The following CASD1 variants were observed in gnomAD, a reference collection of about 807,000 sequenced individuals.
The protein encoded by CASD1 is N-acetylneuraminate (7)9-O-acetyltransferase.
In CASD1, 41 loss-of-function variants were observed where a neutral mutation model predicts 100.0. The ratio of observed to expected loss-of-function variants is 0.41; its 90% confidence interval spans 0.32 to 0.53. The LOEUF (loss-of-function observed/expected upper bound fraction) is 0.53. Ranked by LOEUF, CASD1 falls within the 20% of genes least tolerant of loss-of-function variation. The probability of loss-of-function intolerance (pLI) is 0.25; values close to 1 mark genes in which losing one functional copy is unlikely to be tolerated. For missense variants in CASD1, 774 were observed against 948.7 expected (o/e 0.82, Z 2.42); for synonymous variants, 321 against 315.6 (o/e 1.02, Z -0.18).
At chr7:94,581,766 A>G in the CASD1 span, among the ~76,000 whole-genome samples, 1 of 152,204 alleles carries the variant, frequency 6.6e-6, no homozygotes, top group Non-Finnish European at 1.5e-5. Context: ...TTCTTTATGC[A>G]GTCTGTCATT....
chr7:94,559,241 A>T (rs1796296566), downstream of CASD1, among the ~76,000 whole-genome samples: 1 of 151,534 alleles, frequency 6.6e-6, no homozygotes, highest in South Asian at 2.1e-4. Flanking sequence ...ACCTAAATAT[A>T]ACAATATTGG....
chr7:94,575,296 C>T, the CASD1 span, among the ~76,000 whole-genome samples: 1 of 152,104 alleles, frequency 6.6e-6, no homozygotes, highest in Non-Finnish European at 1.5e-5. Context: ...GCCTTAATTT[C>T]ATTATTTACC....
chr7:94,530,815 C>CAAGGAGATTCTGAGAAGTGGCAGTAA (rs1393043252), intron 5 of CASD1, among the ~76,000 whole-genome samples: 1 of 151,820 alleles, frequency 6.6e-6, no homozygotes, highest in African/African-American at 2.4e-5. Flanking sequence ...ATGGAATTAC[C>CAAGGAGATTCTGAGAAGTGGCAGTAA]AAGGAGATTC....
the CASD1 span, among the ~76,000 whole-genome samples, chr7:94,596,753 T>C: frequency 6.6e-6 from 1 of 152,154 alleles, no homozygotes; most frequent in African/African-American, 2.4e-5. Context: ...ATAAACAATT[T>C]GGTTAGCTAC....
chr7:94,524,789 AACTG>A lies in CASD1; in HGVS notation c.352-2367_352-2364del, dbSNP rs574748184. On this transcript the variant is annotated intron_variant, in intron 3 of 17. Coordinates refer to ENST00000297273, the MANE Select transcript of CASD1 (RefSeq NM_022900.5). Reference sequence around the variant, plus strand: ...GATATTAATAAAAATAGTATTGATAAACTGACTGAGCTGTGCAAGTTTTTAAAGG... The same window carrying A: ...GATATTAATAAAAATAGTATTGATAAACTGAGCTGTGCAAGTTTTTAAAGG... Among the ~76,000 whole-genome samples the A allele has an allele frequency of 2.0e-3, 297 of 152,270 alleles. 1 individual carries two copies. The highest frequency in any genetic ancestry group is 5.4e-3 in the African/African-American group (225 of 41,576).
Position 94,552,388 on chromosome 7 carries a change from A to G in CASD1, c.1995A>G (p.Ala665=). The G allele has an allele frequency of 6.2e-7, 1 of 1,611,114 alleles. No homozygotes were observed. Among genetic ancestry groups the G allele is most frequent in the African/African-American group, 1.3e-5 (1 of 74,818 alleles). The part of the protein sequence containing the change: ...SIWASSCKNK[A]ECNELHPSVS... Reference sequence around the variant, plus strand: ...GGGCTAGCAGTTGTAAAAACAAAGCAGAGTGCAATGAACTCCATCCGTCTG... The same window carrying G: ...GGGCTAGCAGTTGTAAAAACAAAGCGGAGTGCAATGAACTCCATCCGTCTG... Residue 665 remains alanine (A), a synonymous_variant, in exon 16 of 18, where the codon GCA becomes GCG. Coordinates refer to ENST00000297273, the MANE Select transcript of CASD1 (RefSeq NM_022900.5).
At chr7:94,599,049 T>A in the CASD1 span, 1 of 974,078 alleles carries the variant, frequency 1.0e-6, no homozygotes, top group Non-Finnish European at 1.6e-6. Context: ...TATGAAGTAT[T>A]TTTATCTTTT....
At chr7:94,600,417 T>C in the CASD1 span, 2 of 491,492 alleles carry the variant, frequency 4.1e-6, no homozygotes, top group Non-Finnish European at 7.3e-6. Flanking sequence ...TGAATTTACA[T>C]CTAGCCTTAA....
At chr7:94,590,269 T>C in the CASD1 span, among the ~76,000 whole-genome samples, 1 of 152,164 alleles carries the variant, frequency 6.6e-6, no homozygotes, top group South Asian at 2.1e-4. Flanking sequence ...TTTAACATAT[T>C]ATTTTTAATT....
intron 3 of CASD1, among the ~76,000 whole-genome samples, chr7:94,520,297 T>C (rs1353533073): frequency 6.6e-6 from 1 of 152,246 alleles, no homozygotes; most frequent in Admixed American, 6.5e-5. Flanking sequence ...AAAAGCTTAC[T>C]ACTTTTATTT....
chr7:94,551,603 G>GA, intron 15 of CASD1, 125 bp downstream of exon 15: 1 of 384,924 alleles, frequency 2.6e-6, no homozygotes, highest in Non-Finnish European at 4.1e-6. Context: ...TTAATATTTA[G>GA]AAATTTTAAT....
chr7:94,561,359 G>A (rs1796336239), downstream of CASD1, among the ~76,000 whole-genome samples: 1 of 152,166 alleles, frequency 6.6e-6, no homozygotes, highest in Admixed American at 6.6e-5. Flanking sequence ...ACTTCATTCA[G>A]ATACCTCAAT....
chr7:94,549,909 T>C (rs1490967598), intron 14 of CASD1, among the ~76,000 whole-genome samples: 3 of 152,070 alleles, frequency 2.0e-5, no homozygotes, highest in Non-Finnish European at 4.4e-5. Context: ...TATAGGTGAC[T>C]TGTTGTATAT....
chr7:94,537,572 T>C lies in CASD1; in HGVS notation c.944T>C (p.Leu315Pro), dbSNP rs756034350. 6.2e-7 allele frequency: 1 copy of C among 1,613,954 alleles called. No individual in the cohort carries two copies. The highest frequency in any genetic ancestry group is 8.5e-7 in the Non-Finnish European group (1 of 1,179,860). Residue 315 changes from leucine to proline, a missense_variant, in exon 9 of 18, where the codon CTA becomes CCA. Physicochemically the swap from Leu to Pro is moderately conservative, Grantham distance 98. Coordinates refer to ENST00000297273, the MANE Select transcript of CASD1 (RefSeq NM_022900.5). ...PRPPVTLIQKLAACFFTLSII... is the reference protein window; with the variant it reads ...PRPPVTLIQKPAACFFTLSII... The stretch of plus-strand genomic sequence containing the variant: ...CCTCCTGTTACTCTCATACAGAAGC[T>C]AGCTGCTTGTTTTTTCACTTTATCT...
chr7:94,549,832 C>A (rs1795859807), intron 14 of CASD1, among the ~76,000 whole-genome samples, 198 bp downstream of exon 14: 1 of 151,936 alleles, frequency 6.6e-6, no homozygotes. Flanking sequence ...ATATATATAT[C>A]TGCTGGGAAA....
intron 3 of CASD1, among the ~76,000 whole-genome samples, chr7:94,522,341 A>C (rs1057066849): frequency 6.6e-6 from 1 of 152,240 alleles, no homozygotes; most frequent in Non-Finnish European, 1.5e-5. Flanking sequence ...ATTTTCAGGG[A>C]TACAGAAAGT....
chr7:94,613,088 A>G, the CASD1 span, among the ~76,000 whole-genome samples: 1 of 152,224 alleles, frequency 6.6e-6, no homozygotes. Flanking sequence ...GGCTAAATGA[A>G]TGCATGAATG....
rs563087535 is a variant in CASD1 at position 94,528,662 on chromosome 7, TTTA to T, written c.459+420_459+422del. ...TTTGTTTTTATAGCCTTTTTTTCCT[TTTA>T]TTATTATATTTGTGACCCAGCAGGC... On this transcript the variant is annotated intron_variant, in intron 5 of 17. Transcript: ENST00000297273. Among the ~76,000 whole-genome samples, 63 of 152,274 alleles carry T rather than the reference TTTA, an allele frequency of 4.1e-4. 1 individual carries two copies. In the South Asian group the frequency reaches 4.6e-3, roughly 11 times the overall value.
At chr7:94,545,723 T>C in intron 12 of CASD1, 22 bp downstream of exon 12, 1 of 1,466,354 alleles carries the variant, frequency 6.8e-7, no homozygotes, top group South Asian at 1.3e-5. Flanking sequence ...TTCTTACTAA[T>C]GTTAGTAAAT....
Sources: gnomAD v4.1 joint callset for allele counts (sites outside exome capture counted in the v4.1 genomes callset) on GRCh38, gnomAD v4.1.1 for gene constraint, MANE v1.5 for transcripts, NCBI Gene and HGNC (gene_info 2026-07-23, HGNC 2026-07-21) for gene names.